COL6A2: variants seen among roughly 807,000 people sequenced by gnomAD.
COL6A2 encodes the protein collagen type VI alpha 2 chain.
A neutral mutation model predicts 124.9 loss-of-function variants in COL6A2; 90 were observed. The observed-to-expected ratio is 0.72, with a 90% CI of 0.61 to 0.86. The LOEUF is 0.86. Among genes scored for constraint, COL6A2 ranks in the 40% least tolerant of loss-of-function variants. The pLI, the probability that COL6A2 is intolerant of heterozygous loss-of-function variation, is 0.00. For missense variants in COL6A2, 1,607 were observed against 1,502.5 expected (o/e 1.07, Z -1.15); for synonymous variants, 793 against 618.2 (o/e 1.28, Z -4.19).
intron 10 of COL6A2, 145 bp from the exon 11 acceptor site, chr21:46,117,255 C>A: frequency 1.3e-6 from 1 of 784,004 alleles, no homozygotes; most frequent in Non-Finnish European, 2.1e-6. Flanking sequence ...TCCACAGCAG[C>A]CGTGGCCTCA....
intron 27 of COL6A2, chr21:46,129,006 CCT>C: frequency 6.2e-7 from 1 of 1,605,676 alleles, no homozygotes; most frequent in Non-Finnish European, 8.5e-7. Flanking sequence ...GCTTCCTGTC[CCT>C]GTGCTCACTG....
At chr21:46,129,838 A>G (rs533861488) in intron 27 of COL6A2, 79 of 1,079,476 alleles carry the variant, frequency 7.3e-5, no homozygotes, top group Admixed American at 1.9e-4. Context: ...GCATCAGGTC[A>G]CCCTCACAGG....
At position 46,126,662 on chromosome 21, in the gene COL6A2, G is replaced by T. The variant is rs1287444080; in HGVS notation, c.2461+121G>T. 4 of 1,190,148 alleles carry T rather than the reference G, an allele frequency of 3.4e-6. No homozygotes were observed. In the South Asian group the frequency reaches 5.1e-5, roughly 15 times the overall value. 73.7% of individuals were successfully genotyped at this position (1,190,148 alleles called of 1,614,324 possible). On this transcript the variant is annotated intron_variant, in intron 27 of 27. Coordinates refer to ENST00000300527, the MANE Select transcript of COL6A2 (RefSeq NM_001849.4). ...GGACCCGGGGGGCGGCGGAGCCACT[G>T]CGGAGGCTGCTCCTTAGGGAGATGG...
At chr21:46,131,861 G>GGGTGCGAATGGAAGGGCACA (rs2078764249) in intron 27 of COL6A2, 93 bp from the exon 28 acceptor site, 6 of 1,192,908 alleles carry the variant, frequency 5.0e-6, no homozygotes, top group South Asian at 2.6e-5. Context: ...GTTGCAGGCA[G>GGGTGCGAATGGAAGGGCACA]GGTGCGAATG....
chr21:46,125,712 A>G (rs1396303002), intron 25 of COL6A2, 73 bp from the exon 26 acceptor site: 19 of 1,597,096 alleles, frequency 1.2e-5, no homozygotes, highest in Non-Finnish European at 1.5e-5. Context: ...CCCTCCAACG[A>G]GGGCCTCTGC....
At chr21:46,127,895 T>C (rs1215407247) in intron 27 of COL6A2, among the ~76,000 whole-genome samples, 2 of 152,178 alleles carry the variant, frequency 1.3e-5, no homozygotes, top group Non-Finnish European at 2.9e-5. Flanking sequence ...TGAGCGTCAT[T>C]GAATTTCCAG....
chr21:46,118,748 C>T lies in COL6A2; in HGVS notation c.1179+72C>T, dbSNP rs549970340. On this transcript the variant is annotated intron_variant, in intron 13 of 27. Coordinates refer to ENST00000300527, the MANE Select transcript of COL6A2 (RefSeq NM_001849.4). Reference sequence around the variant, plus strand: ...CGCCCATGGCCCAGATGAACAGTCACGCTGGCCACCATCTCTGCTGTCACC... The same window carrying T: ...CGCCCATGGCCCAGATGAACAGTCATGCTGGCCACCATCTCTGCTGTCACC... The T allele has an allele frequency of 2.3e-4, 351 of 1,500,464 alleles. 1 individual carries two copies. The highest frequency in any genetic ancestry group is 3.0e-4 in the Non-Finnish European group (328 of 1,095,248). 92.9% of individuals were successfully genotyped at this position (1,500,464 alleles called of 1,614,324 possible).
At position 46,132,780 on chromosome 21, in the gene COL6A2, C is replaced by A. The variant is rs914219799; in HGVS notation, c.*228C>A. 3.4e-6 allele frequency: 2 copies of A among 590,682 alleles called. No individual in the cohort carries two copies. The highest frequency in any genetic ancestry group is 4.0e-5 in the South Asian group (2 of 50,496). 36.6% of individuals were successfully genotyped at this position (590,682 alleles called of 1,614,324 possible). A position where few individuals can be genotyped will look rare whatever the true frequency, so the allele number is the denominator to read the frequency against. On this transcript the variant is annotated 3_prime_UTR_variant, in exon 28 of 28. Coordinates refer to ENST00000300527, the MANE Select transcript of COL6A2 (RefSeq NM_001849.4). ...GGCCTCCCTCCCCCTGCAGCCATCC[C>A]AAGGCTCCTGACCTACCTGGCCCCT...
chr21:46,117,867 C>G lies in COL6A2; in HGVS notation c.1054-7C>G, dbSNP rs762738666. 3 of 1,609,620 alleles carry G rather than the reference C, an allele frequency of 1.9e-6. No individual in the cohort carries two copies. The highest frequency in any genetic ancestry group is 4.5e-5 in the East Asian group (2 of 44,730). The stretch of plus-strand genomic sequence containing the variant: ...GTGCCGAGCTCCACCTCTCACTCCT[C>G]TCTCAGGGCCCCGACGGTTACCCGG... On this transcript the variant is annotated splice_polypyrimidine_tract_variant and splice_region_variant and intron_variant, in intron 11 of 27. Transcript: ENST00000300527.
rs572648622 is a variant in COL6A2 at position 46,124,830 on chromosome 21, G to C, written c.1735-55G>C. 181 of 1,609,192 alleles carry C rather than the reference G, an allele frequency of 1.1e-4. 1 individual carries two copies. The African/African-American group carries it at 2.3e-3, about 21-fold the overall frequency. On this transcript the variant is annotated intron_variant, in intron 22 of 27. Transcript: ENST00000300527. ...TATCAGTGGGCAGTGGCCTGGGAGAGACTCAGCCACCCAGCCTTGGCCCCA... is the reference window on the plus strand; with the variant it reads ...TATCAGTGGGCAGTGGCCTGGGAGACACTCAGCCACCCAGCCTTGGCCCCA...
chr21:46,099,889 CTTTTTTTTT>C (rs869028897), intron 1 of COL6A2, among the ~76,000 whole-genome samples: 4 of 91,840 alleles, frequency 4.4e-5, no homozygotes, highest in African/African-American at 1.2e-4. Flanking sequence ...GCAGCACTGT[CTTTTTTTTT>C]TTTTTTTTTT....
chr21:46,115,441 T>C (rs1051139658), intron 5 of COL6A2, among the ~76,000 whole-genome samples: 1 of 152,212 alleles, frequency 6.6e-6, no homozygotes, highest in Admixed American at 6.5e-5. Flanking sequence ...TCCAAGAGAG[T>C]GTAACCTTTA....
At chr21:46,101,774 G>A (rs2078289239) in intron 1 of COL6A2, among the ~76,000 whole-genome samples, 1 of 149,604 alleles carries the variant, frequency 6.7e-6, no homozygotes, top group East Asian at 2.0e-4. Context: ...CCACACTGTT[G>A]ATGACTGCAG....
chr21:46,114,302 G>A (rs975553715), intron 5 of COL6A2, among the ~76,000 whole-genome samples: 30 of 152,040 alleles, frequency 2.0e-4, no homozygotes, highest in Non-Finnish European at 2.4e-4. Context: ...GCATGCGCCT[G>A]TAGTCCCAGC....
chr21:46,114,120 C>T, intron 5 of COL6A2, 47 bp downstream of exon 5: 1 of 1,544,978 alleles, frequency 6.5e-7, no homozygotes, highest in Non-Finnish European at 8.9e-7. Context: ...CAGGAAGCCC[C>T]TGATTTGTTT....
rs780908409 is a variant in COL6A2, at chr21:46,132,082, A to G, written c.2590A>G (p.Thr864Ala). The change falls in exon 28 of 28, where the codon ACG (threonine) becomes GCG (alanine). Residue 864 changes from threonine to alanine, a missense_variant. Physicochemically the swap from Thr to Ala is moderately conservative, Grantham distance 58. This residue lies in a region of COL6A2 where 1,223 missense variants were observed against 1,052.2 expected (regional missense o/e 1.16). Coordinates refer to ENST00000300527, the MANE Select transcript of COL6A2 (RefSeq NM_001849.4). ...RFVEQVARRL[T>A]LARRDDDPLN... ...CGTGGAGCAGGTGGCGCGGCGGCTG[A>G]CGCTGGCCCGGAGGGACGACGACCC... 2 of 1,601,642 alleles carry G rather than the reference A, an allele frequency of 1.2e-6. No homozygotes were observed. Among genetic ancestry groups the G allele is most frequent in the Non-Finnish European group, 1.7e-6 (2 of 1,176,556 alleles).
At position 46,132,426 on chromosome 21, in the gene COL6A2, C is replaced by T. The variant is rs139814466; in HGVS notation, c.2934C>T (p.Ser978=). The change falls in exon 28 of 28, where the codon AGC becomes AGT. Residue 978 remains serine (S), a synonymous_variant. Transcript: ENST00000300527. ...NVVPTVLALG[S]DVDMDVLTTL... ...TACCCACCGTGCTGGCCTTGGGCAG[C>T]GACGTGGACATGGACGTGCTCACCA... 73 of 1,606,726 alleles carry T rather than the reference C, an allele frequency of 4.5e-5. No homozygotes were observed. Among genetic ancestry groups the T allele is most frequent in the Middle Eastern group, 1.6e-4 (1 of 6,076 alleles).
At position 46,126,036 on chromosome 21, in the gene COL6A2, G is replaced by A. The variant is rs1348937334; in HGVS notation, c.2221G>A (p.Asp741Asn). 2.5e-6 allele frequency: 4 copies of A among 1,612,926 alleles called. No individual in the cohort carries two copies. The highest frequency in any genetic ancestry group is 3.4e-6 in the Non-Finnish European group (4 of 1,179,944). ...CGGGCGCCACGACCCTCGGGACGATGACCTCAACTTGCGGGCGCTGTGCGA... is the reference window on the plus strand; with the variant it reads ...CGGGCGCCACGACCCTCGGGACGATAACCTCAACTTGCGGGCGCTGTGCGA... ...TDGRHDPRDDDLNLRALCDRD... is the reference protein window; with the variant it reads ...TDGRHDPRDDNLNLRALCDRD... The change falls in exon 26 of 28, where the codon GAC becomes AAC. Residue 741 changes from aspartate (D) to asparagine (N), a missense_variant. Around this residue, in one of 3 missense-constraint regions of COL6A2, gnomAD observed 1,223 missense variants for 1,052.2 expected, o/e 1.16. Transcript: ENST00000300527.
chr21:46,105,710 A>G (rs2078328687), intron 1 of COL6A2, among the ~76,000 whole-genome samples: 3 of 152,244 alleles, frequency 2.0e-5, no homozygotes, highest in Admixed American at 1.3e-4. Context: ...CAACAAAGAA[A>G]ATAACTAAAG....
Sources: gnomAD v4.1 joint callset for allele counts (sites outside exome capture counted in the v4.1 genomes callset) on GRCh38, gnomAD v4.1.1 for gene constraint, gnomAD v4.1.1 regional missense constraint, MANE v1.5 for transcripts, NCBI Gene and HGNC (gene_info 2026-07-23, HGNC 2026-07-21) for gene names.